Variants in CCDC171 observed in about 807,000 individuals in gnomAD.
The protein encoded by CCDC171 is coiled-coil domain containing 171.
In CCDC171, 177 loss-of-function variants were observed where a neutral mutation model predicts 168.2. The observed-to-expected ratio is 1.05, with a 90% confidence interval of 0.93 to 1.19. The LOEUF (loss-of-function observed/expected upper bound fraction) is 1.19. Ranked by LOEUF, CCDC171 falls within the 50% of genes most tolerant of loss-of-function variation. CCDC171 has a pLI of 0.00. For missense variants in CCDC171, 1,991 were observed against 1,539.0 expected (o/e 1.29, Z -4.91); for synonymous variants, 687 against 540.8 (o/e 1.27, Z -3.75).
intron 21 of CCDC171, among the ~76,000 whole-genome samples, chr9:15,808,929 G>A (rs2059199634): frequency 6.6e-6 from 1 of 152,158 alleles, no homozygotes; most frequent in South Asian, 2.1e-4. Flanking sequence ...TCTGGTGAGG[G>A]CTTGCTTCCT....
intron 21 of CCDC171, among the ~76,000 whole-genome samples, chr9:15,824,859 A>G (rs2059947393): frequency 6.6e-6 from 1 of 152,058 alleles, no homozygotes; most frequent in Non-Finnish European, 1.5e-5. Flanking sequence ...GGTTCATGGT[A>G]CTATTATGAA....
chr9:15,854,913 A>G (rs1588865794), intron 23 of CCDC171, among the ~76,000 whole-genome samples: 1 of 151,496 alleles, frequency 6.6e-6, no homozygotes, highest in Non-Finnish European at 1.5e-5. Context: ...TTTGCTATGG[A>G]GTTATACTTT....
At chr9:16,011,041 A>G (rs144900131) in intron 3 of CCDC171, among the ~76,000 whole-genome samples, 17 of 152,290 alleles carry the variant, frequency 1.1e-4, no homozygotes, top group African/African-American at 4.1e-4. Context: ...TGGGAGGCCA[A>G]TGGAGTGTAT....
intron 16 of CCDC171, among the ~76,000 whole-genome samples, chr9:15,736,866 T>C (rs1400889572): frequency 2.0e-5 from 3 of 151,978 alleles, no homozygotes; most frequent in Non-Finnish European, 1.5e-5. Flanking sequence ...TTCGTAGAGA[T>C]TGGGTTTTGC....
chr9:15,583,789 TG>T (rs1218982251), intron 4 of CCDC171, among the ~76,000 whole-genome samples: 2 of 151,908 alleles, frequency 1.3e-5, no homozygotes, highest in African/African-American at 2.4e-5. Flanking sequence ...AAAAATAAAA[TG>T]TGAAAAAAAT....
chr9:15,558,414 T>A (rs576429912), intron 1 of CCDC171, among the ~76,000 whole-genome samples: 1 of 152,316 alleles, frequency 6.6e-6, no homozygotes, highest in East Asian at 1.9e-4. Flanking sequence ...TTTCAGAACC[T>A]GTTATTGGTC....
chr9:15,586,253 C>G (rs1053303438), intron 4 of CCDC171, among the ~76,000 whole-genome samples: 1 of 152,064 alleles, frequency 6.6e-6, no homozygotes, highest in Admixed American at 6.6e-5. Context: ...ATCCTAGAGT[C>G]CAGGTTGTAG....
At chr9:15,732,728 A>T (rs2054230338) in intron 16 of CCDC171, among the ~76,000 whole-genome samples, 1 of 152,140 alleles carries the variant, frequency 6.6e-6, no homozygotes, top group African/African-American at 2.4e-5. Context: ...TTTGGCAATT[A>T]TGAGTAGAGA....
At chr9:15,611,370 A>C (rs916305810) in intron 6 of CCDC171, among the ~76,000 whole-genome samples, 20 of 152,196 alleles carry the variant, frequency 1.3e-4, no homozygotes, top group Admixed American at 6.5e-4. Context: ...GTGATTCTAG[A>C]CTGTGTGTTT....
At chr9:15,617,675 C>T (rs2044190560) in intron 6 of CCDC171, among the ~76,000 whole-genome samples, 1 of 152,078 alleles carries the variant, frequency 6.6e-6, no homozygotes, top group Non-Finnish European at 1.5e-5. Context: ...CACGCCCGGC[C>T]TGTGGGGGGG....
chr9:15,977,493 G>T (rs1019791259), downstream of CCDC171, among the ~76,000 whole-genome samples: 1 of 152,130 alleles, frequency 6.6e-6, no homozygotes, highest in Non-Finnish European at 1.5e-5. Flanking sequence ...TTGATGCTTA[G>T]GCATATGTTT....
chr9:15,727,431 A>G (rs1461677484), intron 14 of CCDC171, among the ~76,000 whole-genome samples: 1 of 152,144 alleles, frequency 6.6e-6, no homozygotes, highest in African/African-American at 2.4e-5. Flanking sequence ...TTTTTTCTGT[A>G]TTGTTTTTTG....
rs566905079 is a variant in CCDC171 at position 15,972,143 on chromosome 9, C to T, written c.*307C>T. On this transcript the variant is annotated 3_prime_UTR_variant, in exon 26 of 26. Transcript: ENST00000380701. ...AAAAAAATCAATAAGCCATTTTAGT[C>T]TCTATCTATCAAAGTTGTTTCATAC... 6 of 317,318 alleles carry T rather than the reference C, an allele frequency of 1.9e-5. No individual in the cohort carries two copies. The highest frequency in any genetic ancestry group is 4.7e-5 in the Admixed American group (1 of 21,178). 19.7% of individuals were successfully genotyped at this position (317,318 alleles called of 1,614,324 possible). A position where few individuals can be genotyped will look rare whatever the true frequency, so the allele number is the denominator to read the frequency against.
rs546831935 is a variant in CCDC171 at position 15,823,314 on chromosome 9, T to TA, written c.3268-23385dup. Among the ~76,000 whole-genome samples, 18 of 152,172 alleles carry TA rather than the reference T, an allele frequency of 1.2e-4. No homozygotes were observed. In the South Asian group the frequency reaches 3.5e-3, roughly 30 times the overall value. ...CGTTGTGCACTTGTACCCTAAAACT[T>TA]AAAGTATAATAATAATAAAATATTA... On this transcript the variant is annotated intron_variant, in intron 21 of 25. Transcript: ENST00000380701.
At chr9:15,934,935 T>C (rs1167254542) in intron 25 of CCDC171, among the ~76,000 whole-genome samples, 1 of 152,070 alleles carries the variant, frequency 6.6e-6, no homozygotes, top group East Asian at 1.9e-4. Flanking sequence ...TTCCATTTTA[T>C]ATGAAATATC....
At chr9:15,614,526 T>C (rs958499170) in intron 6 of CCDC171, among the ~76,000 whole-genome samples, 3 of 152,196 alleles carry the variant, frequency 2.0e-5, no homozygotes, top group Non-Finnish European at 4.4e-5. Flanking sequence ...AGAAATTAGA[T>C]TCAGATAATT....
intron 16 of CCDC171, among the ~76,000 whole-genome samples, chr9:15,740,451 G>C (rs546139944): frequency 6.6e-6 from 1 of 151,252 alleles, no homozygotes; most frequent in African/African-American, 2.4e-5. Flanking sequence ...GTGTGTGTGT[G>C]TGAGACAGAG....
chr9:16,026,904 T>G (rs919963595), intron 6 of CCDC171, among the ~76,000 whole-genome samples: 1 of 152,270 alleles, frequency 6.6e-6, no homozygotes, highest in South Asian at 2.1e-4. Flanking sequence ...TCACTTTAGA[T>G]TTCCCCAGTT....
At chr9:15,739,751 T>A (rs1321920616) in intron 16 of CCDC171, among the ~76,000 whole-genome samples, 1 of 151,904 alleles carries the variant, frequency 6.6e-6, no homozygotes, top group Non-Finnish European at 1.5e-5. Flanking sequence ...TTTTTTTTTT[T>A]TTTTGATACC....
Sources: gnomAD v4.1 joint callset for allele counts (sites outside exome capture counted in the v4.1 genomes callset) on GRCh38, gnomAD v4.1.1 for gene constraint, MANE v1.5 for transcripts, NCBI Gene and HGNC (gene_info 2026-07-23, HGNC 2026-07-21) for gene names.